The following ADAMTS20 variants were observed in gnomAD, a reference collection of about 807,000 sequenced individuals.
ADAMTS20 encodes the protein ADAM metallopeptidase with thrombospondin type 1 motif 20.
ADAMTS20 carries 225 observed loss-of-function variants against 260.1 expected under a neutral mutation model. The ratio of observed to expected loss-of-function variants is 0.87; its 90% CI spans 0.78 to 0.97. The LOEUF is 0.97. ADAMTS20 is among the 50% of genes least tolerant of loss of function. ADAMTS20 has a pLI of 0.00. For synonymous variants in ADAMTS20, 802 were observed against 769.5 expected, an observed-to-expected ratio of 1.04 and a Z score of -0.70; for missense variants, 2,400 against 2,337.7, an observed-to-expected ratio of 1.03 and a Z score of -0.55.
Position 43,375,383 on chromosome 12 carries a change from A to C in ADAMTS20, c.5442T>G (p.Ile1814Met), listed in dbSNP as rs749597548. 2 of 1,611,146 alleles carry C rather than the reference A, an allele frequency of 1.2e-6. No homozygotes were observed. Among genetic ancestry groups the C allele is most frequent in the Non-Finnish European group, 1.7e-6 (2 of 1,179,256 alleles). Residue 1814 changes from isoleucine to methionine, a missense_variant, in exon 36 of 39, where the codon ATT becomes ATG. By Grantham distance (10) the Ile-to-Met change is conservative. Transcript: ENST00000389420. ...AAATATAGATTGAGCACTTACTTTTAATTTGCATGGAAGTGAGATCAATTC... is the reference window on the plus strand; with the variant it reads ...AAATATAGATTGAGCACTTACTTTTCATTTGCATGGAAGTGAGATCAATTC... ...KIRIDLTSMQ[I>M]KTTDLLFSKT...
At chr12:43,513,044 T>C (rs573691234) in intron 3 of ADAMTS20, among the ~76,000 whole-genome samples, 1 of 152,290 alleles carries the variant, frequency 6.6e-6, no homozygotes, top group Admixed American at 6.5e-5. Context: ...AGCATAGAAC[T>C]GAGACAAGAT....
At chr12:43,404,703 A>C (rs1051598611) in intron 28 of ADAMTS20, among the ~76,000 whole-genome samples, 3 of 152,158 alleles carry the variant, frequency 2.0e-5, no homozygotes, top group Non-Finnish European at 4.4e-5. Context: ...AAGAGTATCA[A>C]AACTAATATT....
At chr12:43,376,024 A>T (rs2137211653) in intron 35 of ADAMTS20, 33 bp downstream of exon 35, 1 of 1,501,884 alleles carries the variant, frequency 6.7e-7, no homozygotes, top group East Asian at 2.3e-5. Flanking sequence ...AGGACCATGA[A>T]AATGCTCAGA....
At position 43,464,718 on chromosome 12, in the gene ADAMTS20, T is replaced by G. The variant is rs1264113992; in HGVS notation, c.1382A>C (p.Glu461Ala). Residue 461 changes from glutamate to alanine, a missense_variant, in exon 10 of 39, where the codon GAA becomes GCA. Transcript: ENST00000389420. ...VTEFLDTGYG[E>A]CLLDKPDEEI... ...TTCATCTGGTTTGTCAAGAAGACAT[T>G]CCCCGTAACCAGTACTGTAACAGTG... 6.2e-7 allele frequency: 1 copy of G among 1,612,934 alleles called. No homozygotes were observed. The highest frequency in any genetic ancestry group is 1.7e-5 in the Admixed American group (1 of 59,858).
chr12:43,409,730 A>G (rs1940997592), intron 28 of ADAMTS20, among the ~76,000 whole-genome samples: 1 of 152,058 alleles, frequency 6.6e-6, no homozygotes, highest in Non-Finnish European at 1.5e-5. Flanking sequence ...AATACAACAA[A>G]TTTTCCCAAC....
chr12:43,495,282 C>T (rs980148146), intron 4 of ADAMTS20, among the ~76,000 whole-genome samples: 1 of 151,988 alleles, frequency 6.6e-6, no homozygotes, highest in Non-Finnish European at 1.5e-5. Context: ...ATAATGCAAA[C>T]AATTGTTATG....
intron 33 of ADAMTS20, 56 bp from the exon 34 acceptor site, chr12:43,376,386 ACT>A: frequency 6.8e-7 from 1 of 1,462,992 alleles, no homozygotes; most frequent in African/African-American, 1.4e-5. Flanking sequence ...CACAGCAAGA[ACT>A]TAATCATAGA....
chr12:43,535,054 A>T (rs914859894), intron 2 of ADAMTS20, among the ~76,000 whole-genome samples: 1 of 152,204 alleles, frequency 6.6e-6, no homozygotes, highest in East Asian at 1.9e-4. Context: ...TTCCTTGACC[A>T]GTTTTCTAGG....
chr12:43,418,310 C>A (rs1278123508), intron 28 of ADAMTS20, among the ~76,000 whole-genome samples: 4 of 151,780 alleles, frequency 2.6e-5, no homozygotes, highest in Non-Finnish European at 1.5e-5. Flanking sequence ...GTGATTTTGC[C>A]CAGGGCATTT....
At chr12:43,496,644 T>C (rs946154055) in intron 4 of ADAMTS20, among the ~76,000 whole-genome samples, 4 of 152,154 alleles carry the variant, frequency 2.6e-5, no homozygotes, top group Admixed American at 2.6e-4. Flanking sequence ...TTTGTCTTAA[T>C]GTCTTTAATA....
At chr12:43,545,224 C>A (rs1265975995) in intron 2 of ADAMTS20, among the ~76,000 whole-genome samples, 3 of 152,182 alleles carry the variant, frequency 2.0e-5, no homozygotes, top group African/African-American at 7.2e-5. Flanking sequence ...CTCCCCTGTA[C>A]CCTGCACAAT....
chr12:43,355,947 T>G (rs1474122527), intron 38 of ADAMTS20, among the ~76,000 whole-genome samples: 1 of 152,074 alleles, frequency 6.6e-6, no homozygotes, highest in Non-Finnish European at 1.5e-5. Context: ...GTTATCTAGA[T>G]AAAGATAGGA....
In ADAMTS20 at chr12:43,369,349, C is replaced by T. The variant is rs756780078; in HGVS notation, c.5479G>A (p.Gly1827Arg). 1 of 1,557,726 alleles carries T rather than the reference C, an allele frequency of 6.4e-7. No homozygotes were observed. Among genetic ancestry groups the T allele is most frequent in the Non-Finnish European group, 8.7e-7 (1 of 1,153,008 alleles). ...TDLLFSKTIFGNAVPFATAGD... is the reference protein window; with the variant it reads ...TDLLFSKTIFRNAVPFATAGD... ...GCTGTGGCAAATGGAACTGCATTTC[C>T]AAATATTGTTTTGGAAAAAAGAAGG... The change falls in exon 37 of 39, where the codon GGA becomes AGA. Residue 1827 changes from glycine (G) to arginine (R), a missense_variant. Coordinates refer to ENST00000389420, the MANE Select transcript of ADAMTS20 (RefSeq NM_025003.5).
intron 37 of ADAMTS20, among the ~76,000 whole-genome samples, chr12:43,366,650 A>G (rs1005805886): frequency 2.0e-5 from 3 of 152,042 alleles, no homozygotes; most frequent in Middle Eastern, 3.4e-3. Flanking sequence ...CAAAAAAAGA[A>G]AATTTGGGAA....
At chr12:43,526,050 A>G (rs118088190) in intron 3 of ADAMTS20, among the ~76,000 whole-genome samples, 3,606 of 152,316 alleles carry the variant, frequency 0.024, 66 homozygotes, top group East Asian at 0.08. Context: ...TGTACAGAAT[A>G]TTCTACCCCA....
At chr12:43,398,764 A>G (rs1207462064) in intron 29 of ADAMTS20, among the ~76,000 whole-genome samples, 1 of 152,168 alleles carries the variant, frequency 6.6e-6, no homozygotes, top group Non-Finnish European at 1.5e-5. Context: ...TAATCCCAGC[A>G]CTTTGGGAGG....
intron 2 of ADAMTS20, among the ~76,000 whole-genome samples, chr12:43,538,391 T>G (rs888482274): frequency 2.6e-5 from 4 of 152,228 alleles, no homozygotes; most frequent in Non-Finnish European, 4.4e-5. Context: ...TAAAGTTGTT[T>G]GAACTCCTTA....
Position 43,443,778 on chromosome 12 carries a change from G to A in ADAMTS20, c.2290+13C>T, listed in dbSNP as rs181010368. 12 of 1,605,386 alleles carry A rather than the reference G, an allele frequency of 7.5e-6. No individual in the cohort carries two copies. The highest frequency in any genetic ancestry group is 2.2e-5 in the East Asian group (1 of 44,796). ...AAGCCACATACTGGCTGTTGTTTAC[G>A]AGAAATGTTTACCAAGGTAACTGTC... On this transcript the variant is annotated intron_variant, in intron 16 of 38. Transcript: ENST00000389420.
At chr12:43,410,440 T>A (rs1458722761) in intron 28 of ADAMTS20, among the ~76,000 whole-genome samples, 1 of 152,102 alleles carries the variant, frequency 6.6e-6, no homozygotes, top group Admixed American at 6.5e-5. Context: ...AAGGCAATCC[T>A]CCCTAGGAAA....
Sources: gnomAD v4.1 joint callset for allele counts (sites outside exome capture counted in the v4.1 genomes callset) on GRCh38, gnomAD v4.1.1 for gene constraint, MANE v1.5 for transcripts, NCBI Gene and HGNC (gene_info 2026-07-23, HGNC 2026-07-21) for gene names.